Variants in STAG2 observed in about 807,000 individuals in gnomAD.
STAG2 encodes cohesin subunit SA-2.
Under a neutral mutation model 108.1 loss-of-function variants are expected in STAG2, and 14 were observed. The observed-to-expected ratio is 0.13, with a 90% CI of 0.09 to 0.20. The LOEUF is 0.20. Among genes scored for constraint, STAG2 ranks in the 10% least tolerant of loss-of-function variants. The probability of loss-of-function intolerance (pLI) is 1.00; values close to 1 mark genes in which losing one functional copy is unlikely to be tolerated. For missense variants in STAG2, 440 were observed against 940.9 expected, an observed-to-expected ratio of 0.47 and a Z score of 6.96; for synonymous variants, 307 against 302.7, an observed-to-expected ratio of 1.01 and a Z score of -0.15.
intron 20 of STAG2, among the ~76,000 whole-genome samples, chrX:124,064,399 G>C (rs1437846284): frequency 9.1e-6 from 1 of 109,786 alleles, no homozygotes; most frequent in African/African-American, 3.3e-5. Flanking sequence ...AAAAAGTAGA[G>C]TATTTCTAAG....
chrX:124,054,968 T>A (rs1438662194), intron 13 of STAG2, among the ~76,000 whole-genome samples: 1 of 110,697 alleles, frequency 9.0e-6, no homozygotes, highest in Non-Finnish European at 1.9e-5. Flanking sequence ...TGAGGTCTCA[T>A]GTTGCCCAGC....
chrX:124,042,335 A>C (rs774112404), intron 6 of STAG2, among the ~76,000 whole-genome samples: 1 of 111,908 alleles, frequency 8.9e-6, no homozygotes, highest in Non-Finnish European at 1.9e-5. Flanking sequence ...GTTAGGAAAA[A>C]AGATATCTGT....
At chrX:124,001,342 G>C (rs1389492198) in intron 1 of STAG2, among the ~76,000 whole-genome samples, 1 of 111,397 alleles carries the variant, frequency 9.0e-6, no homozygotes, top group Non-Finnish European at 1.9e-5. Flanking sequence ...CATCCGCCTC[G>C]GCCTCCCAAA....
At chrX:124,048,863 A>G (rs1395139881) in intron 9 of STAG2, 142 bp from the exon 10 acceptor site, 2 of 448,113 alleles carry the variant, frequency 4.5e-6, no homozygotes, top group South Asian at 3.4e-5. Flanking sequence ...TAATTTTTCT[A>G]TATGGTTACT....
intron 19 of STAG2, 87 bp from the exon 20 acceptor site, chrX:124,063,761 A>AT: frequency 1.2e-6 from 1 of 812,570 alleles, no homozygotes; most frequent in Non-Finnish European, 1.8e-6. Flanking sequence ...GTATTTGAAA[A>AT]TTTTTTCCAT....
In STAG2 at chrX:124,059,935, T is replaced by C. The variant is rs529852479; in HGVS notation, c.1417-1289T>C. Among the ~76,000 whole-genome samples the C allele has an allele frequency of 7.1e-5, 8 of 112,145 alleles. No homozygotes were observed. The South Asian group carries it at 2.9e-3, about 41-fold the overall frequency. On this transcript the variant is annotated intron_variant, in intron 15 of 34. Coordinates refer to ENST00000371145, the MANE Select transcript of STAG2 (RefSeq NM_001042750.2). ...CCTTGGCCTCCCAAAGTGCTGGGATTACAGGCATAAACCACAGCACGTGGC... is the reference window on the plus strand; with the variant it reads ...CCTTGGCCTCCCAAAGTGCTGGGATCACAGGCATAAACCACAGCACGTGGC...
At chrX:124,014,029 A>T (rs953961675) in intron 1 of STAG2, among the ~76,000 whole-genome samples, 4 of 111,776 alleles carry the variant, frequency 3.6e-5, no homozygotes, top group African/African-American at 1.3e-4. Context: ...TGTCAAGGTG[A>T]TCACAGTTGT....
intron 6 of STAG2, among the ~76,000 whole-genome samples, chrX:124,040,106 A>G (rs947931939): frequency 2.7e-5 from 3 of 112,159 alleles, no homozygotes; most frequent in African/African-American, 9.7e-5. Flanking sequence ...AAATTATTTT[A>G]ATATAATTCT....
intron 34 of STAG2, among the ~76,000 whole-genome samples, chrX:124,099,271 A>C (rs1456861211): frequency 8.9e-6 from 1 of 111,940 alleles, no homozygotes; most frequent in Non-Finnish European, 1.9e-5. Context: ...TCCCATACTC[A>C]ATACTAAATT....
At chrX:124,022,300 G>A (rs2056955711) in intron 2 of STAG2, among the ~76,000 whole-genome samples, 2 of 109,026 alleles carry the variant, frequency 1.8e-5, no homozygotes, top group African/African-American at 6.7e-5. Flanking sequence ...GAACCTGGGA[G>A]GCAGAGGTTG....
intron 1 of STAG2, among the ~76,000 whole-genome samples, chrX:123,972,959 G>A (rs1482176521): frequency 2.8e-5 from 3 of 106,770 alleles, no homozygotes; most frequent in Non-Finnish European, 5.8e-5. Flanking sequence ...AGAGGTGGGA[G>A]GATCACTTGA....
chrX:124,056,058 A>G, intron 13 of STAG2, 70 bp from the exon 14 acceptor site: 1 of 619,433 alleles, frequency 1.6e-6, no homozygotes, highest in Non-Finnish European at 2.4e-6. Context: ...TATGAGCATA[A>G]GTTTTTGTAC....
At chrX:124,040,075 CATTA>C (rs992400430) in intron 6 of STAG2, among the ~76,000 whole-genome samples, 1 of 111,798 alleles carries the variant, frequency 8.9e-6, no homozygotes, top group African/African-American at 3.2e-5. Flanking sequence ...AAGATAAAGC[CATTA>C]ATTACTTATA....
chrX:124,068,333 T>C (rs1363365114), intron 23 of STAG2, among the ~76,000 whole-genome samples: 1 of 111,547 alleles, frequency 9.0e-6, no homozygotes, highest in African/African-American at 3.3e-5. Context: ...CCTTAGGATA[T>C]TATCTATTAA....
intron 1 of STAG2, among the ~76,000 whole-genome samples, chrX:123,974,541 T>C (rs968352164): frequency 9.6e-6 from 1 of 103,902 alleles, no homozygotes; most frequent in African/African-American, 3.5e-5. Context: ...GATCATCTTA[T>C]ATATGCAGTT....
chrX:124,086,782 A>G lies in STAG2; in HGVS notation c.3277+12A>G, dbSNP rs747104520. On this transcript the variant is annotated intron_variant, in intron 30 of 34. Transcript: ENST00000371145. ...GCAGCTTTCACTCAGTAAGGATATA[A>G]TTTATTCTCTTTATATTTATCCCTA... The G allele has an allele frequency of 1.9e-5, 21 of 1,122,453 alleles. No individual in the cohort carries two copies. In the Admixed American group the frequency reaches 4.9e-4, roughly 26 times the overall value. The allele number at this position is 1,122,453 out of a possible 1,213,427, so 92.5% of individuals were successfully genotyped here. A position where few individuals can be genotyped will look rare whatever the true frequency, so the allele number is the denominator to read the frequency against.
chrX:124,022,457 A>T, intron 2 of STAG2, 74 bp from the exon 3 acceptor site: 2 of 401,735 alleles, frequency 5.0e-6, no homozygotes, highest in South Asian at 1.0e-4. Flanking sequence ...GGGGAATTTA[A>T]CTTTTGAGTA....
At chrX:124,007,433 G>A (rs1270363101) in intron 1 of STAG2, among the ~76,000 whole-genome samples, 1 of 107,994 alleles carries the variant, frequency 9.3e-6, no homozygotes, top group Non-Finnish European at 1.9e-5. Context: ...TTGATTTGAT[G>A]TACATGATTA....
chrX:124,090,488 A>G (rs1348744707), intron 30 of STAG2, 87 bp from the exon 31 acceptor site: 30 of 769,557 alleles, frequency 3.9e-5, no homozygotes, highest in Non-Finnish European at 5.4e-5. Context: ...GGAAATCAAC[A>G]GATGTTTATT....
Sources: gnomAD v4.1 joint callset for allele counts (sites outside exome capture counted in the v4.1 genomes callset) on GRCh38, gnomAD v4.1.1 for gene constraint, MANE v1.5 for transcripts, NCBI Gene and HGNC (gene_info 2026-07-23, HGNC 2026-07-21) for gene names.